Variants in PLEKHG1 observed in about 807,000 individuals in gnomAD.
PLEKHG1 encodes the protein pleckstrin homology and RhoGEF domain containing G1.
Under a neutral mutation model 100.8 loss-of-function variants are expected in PLEKHG1, and 44 were observed. That is an observed-to-expected ratio of 0.44 (90% confidence interval 0.34 to 0.56). PLEKHG1 has a LOEUF of 0.56. Among genes scored for constraint, PLEKHG1 ranks in the 20% least tolerant of loss-of-function variants. The pLI is 0.01. For missense variants in PLEKHG1, 1,545 were observed against 1,720.9 expected, an observed-to-expected ratio of 0.90 and a Z score of 1.81; for synonymous variants, 640 against 662.5, an observed-to-expected ratio of 0.97 and a Z score of 0.52.
chr6:150,602,629 A>T (rs1331473008), intron 1 of PLEKHG1, among the ~76,000 whole-genome samples: 1 of 152,068 alleles, frequency 6.6e-6, no homozygotes, highest in African/African-American at 2.4e-5. Flanking sequence ...AAATGAAATG[A>T]TTCGTATCAG....
chr6:150,626,829 CGTGTGTGTGT>C (rs896106896), intron 1 of PLEKHG1, among the ~76,000 whole-genome samples: 2 of 151,892 alleles, frequency 1.3e-5, no homozygotes, highest in African/African-American at 4.8e-5. Flanking sequence ...TGTGTGTGTG[CGTGTGTGTGT>C]GTTTTGTATT....
intron 1 of PLEKHG1, among the ~76,000 whole-genome samples, chr6:150,623,409 C>T (rs931515839): frequency 3.7e-4 from 56 of 152,280 alleles, no homozygotes; most frequent in African/African-American, 1.1e-3. Flanking sequence ...AAGCACATCA[C>T]GCAAATAACA....
rs151152793 is a variant in PLEKHG1, at chr6:150,684,517, C to T, written c.-99+33731C>T. 2.3e-3 allele frequency among the ~76,000 whole-genome samples: 351 copies of T among 152,268 alleles called. 1 individual carries two copies. The highest frequency in any genetic ancestry group is 4.0e-3 in the Non-Finnish European group (273 of 68,026). ...CTGGTGGCTGATGGCAGCAGCTGTG[C>T]AGGGGTTTCAGTGTCTGAATTTGGG... On this transcript the variant is annotated intron_variant, in intron 3 of 3. Coordinates refer to the PLEKHG1 transcript ENST00000367326.
At chr6:150,670,548 A>G (rs1450868923) in intron 3 of PLEKHG1, among the ~76,000 whole-genome samples, 1 of 152,218 alleles carries the variant, frequency 6.6e-6, no homozygotes, top group Non-Finnish European at 1.5e-5. Flanking sequence ...TTGTACCAAC[A>G]TGTCAGTCCT....
chr6:150,644,334 G>GTTTTTTTTT (rs57840463), intron 2 of PLEKHG1, among the ~76,000 whole-genome samples: 54 of 117,594 alleles, frequency 4.6e-4, no homozygotes, highest in African/African-American at 1.2e-3. Context: ...TTCTTTTCGT[G>GTTTTTTTTT]TTTTTTTTTT....
chr6:150,667,186 G>A (rs1226195679), intron 3 of PLEKHG1, among the ~76,000 whole-genome samples: 2 of 152,096 alleles, frequency 1.3e-5, no homozygotes, highest in African/African-American at 4.8e-5. Context: ...ACATATATTA[G>A]GGTTGGGTCT....
intron 3 of PLEKHG1, among the ~76,000 whole-genome samples, chr6:150,773,012 A>G (rs1784783698): frequency 6.6e-6 from 1 of 152,180 alleles, no homozygotes; most frequent in East Asian, 1.9e-4. Context: ...TAAATTGTAT[A>G]ACGTGTAAGT....
intron 3 of PLEKHG1, among the ~76,000 whole-genome samples, chr6:150,713,957 G>T (rs1003085036): frequency 6.6e-6 from 1 of 152,226 alleles, no homozygotes; most frequent in Non-Finnish European, 1.5e-5. Flanking sequence ...AGAGAATCTT[G>T]TTTTAATTGG....
chr6:150,702,998 C>G (rs1411790102), intron 3 of PLEKHG1, among the ~76,000 whole-genome samples: 3 of 152,102 alleles, frequency 2.0e-5, no homozygotes, highest in African/African-American at 4.8e-5. Flanking sequence ...TTTATTCCTA[C>G]AAAACAAAAA....
chr6:150,602,474 T>G (rs751807195), intron 1 of PLEKHG1, among the ~76,000 whole-genome samples: 12 of 152,218 alleles, frequency 7.9e-5, no homozygotes, highest in Non-Finnish European at 1.2e-4. Flanking sequence ...CTTCACTTCT[T>G]TAAGGAAATT....
chr6:150,801,437 C>CTTTT (rs35282307), intron 6 of PLEKHG1, among the ~76,000 whole-genome samples: 7 of 108,720 alleles, frequency 6.4e-5, no homozygotes, highest in South Asian at 3.1e-4. Flanking sequence ...CTTTTCTTTT[C>CTTTT]TTTTTTTTTT....
At chr6:150,629,554 G>A (rs1011608206) in intron 1 of PLEKHG1, among the ~76,000 whole-genome samples, 6 of 151,874 alleles carry the variant, frequency 4.0e-5, no homozygotes, top group South Asian at 4.2e-4. Flanking sequence ...TCCGCCTCCC[G>A]GGTTCAAGTG....
intron 1 of PLEKHG1, among the ~76,000 whole-genome samples, chr6:150,605,322 A>G (rs1432414665): frequency 6.6e-6 from 1 of 152,228 alleles, no homozygotes; most frequent in African/African-American, 2.4e-5. Context: ...ACATACGTGT[A>G]TGGGCTTTGA....
intron 5 of PLEKHG1, among the ~76,000 whole-genome samples, chr6:150,796,440 A>G (rs1786337905): frequency 6.6e-6 from 1 of 152,184 alleles, no homozygotes; most frequent in South Asian, 2.1e-4. Flanking sequence ...TGCATTGGAA[A>G]TCAATGGCAC....
intron 3 of PLEKHG1, among the ~76,000 whole-genome samples, chr6:150,711,433 G>A (rs1452776891): frequency 6.6e-6 from 1 of 152,170 alleles, no homozygotes; most frequent in African/African-American, 2.4e-5. Flanking sequence ...ACAAAATGGA[G>A]GTGAGGTGTG....
chr6:150,604,386 A>G (rs958293306), intron 1 of PLEKHG1, among the ~76,000 whole-genome samples: 1 of 152,192 alleles, frequency 6.6e-6, no homozygotes, highest in Non-Finnish European at 1.5e-5. Flanking sequence ...TCCAGGTAGC[A>G]TTTTAGGCTC....
intron 1 of PLEKHG1, among the ~76,000 whole-genome samples, chr6:150,631,275 G>A (rs1777736127): frequency 6.6e-6 from 1 of 152,162 alleles, no homozygotes; most frequent in Non-Finnish European, 1.5e-5. Context: ...CTCAATCTGT[G>A]TCTTTGAATT....
chr6:150,797,960 AAAAAC>A (rs1562527193), intron 5 of PLEKHG1, among the ~76,000 whole-genome samples: 1 of 151,976 alleles, frequency 6.6e-6, no homozygotes, highest in Non-Finnish European at 1.5e-5. Flanking sequence ...TTCCCCTAAA[AAAAAC>A]AAAACAAAAT....
intron 11 of PLEKHG1, among the ~76,000 whole-genome samples, chr6:150,819,109 C>T (rs978193144): frequency 7.3e-5 from 11 of 150,308 alleles, no homozygotes; most frequent in African/African-American, 2.7e-4. Flanking sequence ...GCAGAAATTG[C>T]CTTCGGATTT....
Sources: allele counts gnomAD v4.1 joint callset (sites outside exome capture counted in the v4.1 genomes callset), GRCh38; gene constraint gnomAD v4.1.1; transcripts MANE v1.5; gene names NCBI Gene and HGNC (gene_info 2026-07-23, HGNC 2026-07-21).